SPATA22: variants seen among roughly 807,000 people sequenced by gnomAD.
SPATA22 encodes the protein spermatogenesis associated 22.
Under a neutral mutation model 47.8 loss-of-function variants are expected in SPATA22, and 29 were observed. The ratio of observed to expected loss-of-function variants is 0.61; its 90% CI spans 0.45 to 0.83. The LOEUF (loss-of-function observed/expected upper bound fraction) is 0.83, where lower values mean the gene tolerates loss of function less well. Among genes scored for constraint, SPATA22 ranks in the 40% least tolerant of loss-of-function variants. The pLI is 0.00. For missense variants in SPATA22, 410 were observed against 421.7 expected (o/e 0.97, Z 0.24); for synonymous variants, 133 against 140.9 (o/e 0.94, Z 0.40).
chr17:3,476,223 G>A (rs1212749933), upstream of SPATA22: 2 of 1,614,128 alleles, frequency 1.2e-6, no homozygotes, highest in Non-Finnish European at 1.7e-6. Flanking sequence ...AGGAACCCAT[G>A]GGAATGAGCT....
Position 3,488,464 on chromosome 17 carries a change from C to A in SPATA22, c.-73-19066G>T, listed in dbSNP as rs2073765708. On this transcript the variant is annotated intron_variant, in intron 1 of 8. Transcript: ENST00000541913. This position sits in a 1 kb window ranked among gnomAD's most constrained non-coding sequence, Gnocchi z 6.1. ...CTGCGGTCAGGAGTTTGAGACCAGC[C>A]TGACCAACATGGTGAAACCCTGCCT... Among the ~76,000 whole-genome samples the A allele has an allele frequency of 6.6e-6, 1 of 152,152 alleles. No individual in the cohort carries two copies. The highest frequency in any genetic ancestry group is 1.5e-5 in the Non-Finnish European group (1 of 68,042).
Position 3,488,322 on chromosome 17 carries a change from A to G in SPATA22, c.-73-18924T>C, listed in dbSNP as rs2073763123. 6.6e-6 allele frequency among the ~76,000 whole-genome samples: 1 copy of G among 152,220 alleles called. No homozygotes were observed. Among genetic ancestry groups the G allele is most frequent in the Non-Finnish European group, 1.5e-5 (1 of 68,042 alleles). ...GACCTAATAGTACAGGCATCATTTC[A>G]TATGAGTTAGAAGAAATGAACACAA... On this transcript the variant is annotated intron_variant, in intron 1 of 8. Transcript: ENST00000541913. This position sits in a 1 kb window ranked among gnomAD's most constrained non-coding sequence, Gnocchi z 6.1.
Position 3,485,081 on chromosome 17 carries a change from C to T in SPATA22, c.-73-15683G>A, listed in dbSNP as rs1001701182. 1.3e-5 allele frequency among the ~76,000 whole-genome samples: 2 copies of T among 151,974 alleles called. No individual in the cohort carries two copies. Among genetic ancestry groups the T allele is most frequent in the Non-Finnish European group, 2.9e-5 (2 of 68,018 alleles). On this transcript the variant is annotated intron_variant, in intron 1 of 8. Transcript: ENST00000541913. This position sits in a 1 kb window ranked among gnomAD's most constrained non-coding sequence, Gnocchi z 4.4. ...GTTGCCCAGGCTGAGTGTAGTGGCA[C>T]GATCACAGTTCACTGCAGCCTTGAC...
At chr17:3,451,341 T>C (rs545569986) in intron 5 of SPATA22, among the ~76,000 whole-genome samples, 17 of 151,848 alleles carry the variant, frequency 1.1e-4, no homozygotes, top group African/African-American at 4.1e-4. Flanking sequence ...AAAGGAAAAA[T>C]TGACAGCAAC....
chr17:3,508,892 A>G (rs2074070745), intron 1 of SPATA22, among the ~76,000 whole-genome samples: 1 of 102,708 alleles, frequency 9.7e-6, no homozygotes, highest in Non-Finnish European at 2.0e-5. Context: ...CTAAAGCTTA[A>G]AGTATAAAAA....
rs2073707489 is a variant in SPATA22 at position 3,485,769 on chromosome 17, AGAC to A, written c.-73-16374_-73-16372del. ...GCACCTCTGAGTGGATGCCAGTAGAAGACACAAGACTCCTAAAACAGAGACAAA... is the reference window on the plus strand; with the variant it reads ...GCACCTCTGAGTGGATGCCAGTAGAAACAAGACTCCTAAAACAGAGACAAA... On this transcript the variant is annotated intron_variant, in intron 1 of 8. Transcript: ENST00000541913. This position sits in a 1 kb window ranked among gnomAD's most constrained non-coding sequence, Gnocchi z 4.4. 6.6e-6 allele frequency among the ~76,000 whole-genome samples: 1 copy of A among 152,188 alleles called. No homozygotes were observed. Among genetic ancestry groups the A allele is most frequent in the African/African-American group, 2.4e-5 (1 of 41,450 alleles).
rs145731380 is a variant in SPATA22, at chr17:3,485,934, C to CTT, written c.-73-16538_-73-16537dup. Among the ~76,000 whole-genome samples the CTT allele has an allele frequency of 0.27, 37,785 of 142,134 alleles. 5,369 individuals carry two copies. Among genetic ancestry groups the CTT allele is most frequent in the East Asian group, 0.57 (2,738 of 4,782 alleles). The allele number at this position is 142,134 out of a possible 152,430, so 93.2% of individuals were successfully genotyped here. A position where few individuals can be genotyped will look rare whatever the true frequency, so the allele number is the denominator to read the frequency against. On this transcript the variant is annotated intron_variant, in intron 1 of 8. Coordinates refer to the SPATA22 transcript ENST00000541913. The surrounding 1 kb of genome is among the most constrained non-coding windows in gnomAD (Gnocchi z 4.4). ...CAGTGGTTGCATTCTAGGAGGGAACCTTTTTTTTTTTTTTTGAGACGGAGT... is the reference window on the plus strand; with the variant it reads ...CAGTGGTTGCATTCTAGGAGGGAACCTTTTTTTTTTTTTTTTTGAGACGGAGT...
At chr17:3,479,666 T>C (rs1363026094) in intron 1 of SPATA22, among the ~76,000 whole-genome samples, 1 of 152,086 alleles carries the variant, frequency 6.6e-6, no homozygotes, top group East Asian at 1.9e-4. Flanking sequence ...CCCTTCTACC[T>C]TCCCAGTGCA....
At chr17:3,474,479 A>G (rs781415903), upstream of SPATA22, among the ~76,000 whole-genome samples, 18 of 152,218 alleles carry the variant, frequency 1.2e-4, no homozygotes, top group Non-Finnish European at 7.3e-5. Flanking sequence ...AAGCAACTAA[A>G]CAACTGTCAT....
intron 5 of SPATA22, among the ~76,000 whole-genome samples, chr17:3,455,324 C>T (rs2072961801): frequency 6.6e-6 from 1 of 152,136 alleles, no homozygotes; most frequent in Admixed American, 6.5e-5. Context: ...TCGATTTTGT[C>T]TTTTGTTGCC....
intron 1 of SPATA22, among the ~76,000 whole-genome samples, chr17:3,504,037 A>G (rs8065249): frequency 0.91 from 138,846 of 152,104 alleles, 64,010 homozygotes; most frequent in Non-Finnish European, 0.98. Context: ...TGTCCTTCCC[A>G]CTGTTTATTC....
chr17:3,476,820 T>C (rs776070364), intron 1 of SPATA22, among the ~76,000 whole-genome samples: 6 of 152,198 alleles, frequency 3.9e-5, no homozygotes, highest in Non-Finnish European at 8.8e-5. Context: ...CGGTAATGCA[T>C]AAAGTTCTAG....
chr17:3,469,283 C>A lies in SPATA22; in HGVS notation c.43G>T (p.Gly15Cys). 2 of 1,483,578 alleles carry A rather than the reference C, an allele frequency of 1.3e-6. No homozygotes were observed. The highest frequency in any genetic ancestry group is 2.3e-5 in the East Asian group (1 of 43,706). The allele number at this position is 1,483,578 out of a possible 1,614,324, so 91.9% of individuals were successfully genotyped here. The change falls in exon 2 of 9, where the codon GGC becomes TGC. Residue 15 changes from glycine (G) to cysteine (C), a missense_variant and splice_region_variant. Physicochemically the swap from Gly to Cys is radical, Grantham distance 159. Coordinates refer to ENST00000572969, the MANE Select transcript of SPATA22 (RefSeq NM_001170698.2). ...TTAAAAATAAAAAGTTGTTCAATAC[C>A]TGCTGTACTTCGAGCTGAATTTTCA... ...LNENSARSTAGCLPVPLFNQK... is the reference protein window; with the variant it reads ...LNENSARSTACCLPVPLFNQK...
At chr17:3,465,221 G>A (rs1456927831) in intron 3 of SPATA22, among the ~76,000 whole-genome samples, 1 of 141,178 alleles carries the variant, frequency 7.1e-6, no homozygotes, top group Non-Finnish European at 1.6e-5. Context: ...CTGCCCGGCC[G>A]CCCCTACTGG....
At chr17:3,480,781 C>T (rs1277749400) in intron 1 of SPATA22, among the ~76,000 whole-genome samples, 1 of 152,198 alleles carries the variant, frequency 6.6e-6, no homozygotes, top group Non-Finnish European at 1.5e-5. Context: ...CTGTAAGTTC[C>T]TCCCAAAGTT....
intron 1 of SPATA22, among the ~76,000 whole-genome samples, chr17:3,479,292 G>C (rs2073586210): frequency 6.6e-6 from 1 of 152,124 alleles, no homozygotes; most frequent in Non-Finnish European, 1.5e-5. Context: ...CTGAGCAACT[G>C]GGTAGATACT....
chr17:3,471,396 G>A (rs2073431354), intron 1 of SPATA22: 1 of 982,244 alleles, frequency 1.0e-6, no homozygotes, highest in Non-Finnish European at 1.2e-6. Context: ...CCACCCGCGG[G>A]ACCATTGATC....
At chr17:3,509,073 A>G (rs1329536111) in intron 1 of SPATA22, among the ~76,000 whole-genome samples, 3 of 151,922 alleles carry the variant, frequency 2.0e-5, no homozygotes, top group Admixed American at 2.0e-4. Context: ...CCTTGTGAAA[A>G]GCCTGCGTGG....
At chr17:3,457,233 C>A (rs1353107675) in intron 5 of SPATA22, among the ~76,000 whole-genome samples, 1 of 151,722 alleles carries the variant, frequency 6.6e-6, no homozygotes, top group African/African-American at 2.4e-5. Context: ...AAAGGGTATT[C>A]AATTAGGAAA....
Sources: gnomAD v4.1 joint callset for allele counts (sites outside exome capture counted in the v4.1 genomes callset) on GRCh38, gnomAD v4.1.1 for gene constraint, Gnocchi (gnomAD v3.1) non-coding constraint, MANE v1.5 for transcripts, NCBI Gene and HGNC (gene_info 2026-07-23, HGNC 2026-07-21) for gene names.